TGM6: variants seen among roughly 807,000 people sequenced by gnomAD.
TGM6 encodes the protein transglutaminase 6.
In TGM6, 74 loss-of-function variants were observed where a neutral mutation model predicts 77.5. That is an observed-to-expected ratio of 0.96 (90% CI 0.79 to 1.16). The LOEUF (loss-of-function observed/expected upper bound fraction) is 1.16, where lower values mean the gene tolerates loss of function less well. Ranked by LOEUF, TGM6 falls within the 50% of genes most tolerant of loss-of-function variation. The probability of loss-of-function intolerance (pLI) is 0.00; values close to 1 mark genes in which losing one functional copy is unlikely to be tolerated. For synonymous variants in TGM6, 383 were observed against 378.9 expected, an observed-to-expected ratio of 1.01 and a Z score of -0.12; for missense variants, 968 against 940.2, an observed-to-expected ratio of 1.03 and a Z score of -0.39.
chr20:2,420,607 T>C (rs2084849410), intron 10 of TGM6, among the ~76,000 whole-genome samples: 1 of 152,184 alleles, frequency 6.6e-6, no homozygotes, highest in African/African-American at 2.4e-5. Context: ...ACCCCTCCAA[T>C]ATCCCCATGT....
At chr20:2,381,149 C>A (rs921760506) in intron 1 of TGM6, among the ~76,000 whole-genome samples, 174 bp downstream of exon 1, 1 of 152,172 alleles carries the variant, frequency 6.6e-6, no homozygotes, top group African/African-American at 2.4e-5. Flanking sequence ...GATGAAAAAG[C>A]CAGCTTTAAG....
At chr20:2,394,272 TGA>T (rs2084646682) in intron 1 of TGM6, among the ~76,000 whole-genome samples, 178 bp from the exon 2 acceptor site, 1 of 152,018 alleles carries the variant, frequency 6.6e-6, no homozygotes, top group Non-Finnish European at 1.5e-5. Flanking sequence ...CCAGCCTGGG[TGA>T]TAGAGTGAGA....
chr20:2,401,267 T>C (rs2084707450), intron 7 of TGM6, among the ~76,000 whole-genome samples: 1 of 152,128 alleles, frequency 6.6e-6, no homozygotes, highest in Non-Finnish European at 1.5e-5. Context: ...AACATTCATG[T>C]GGTTTAATAT....
rs777851216 is a variant in TGM6, at chr20:2,432,442, A to G, written c.1968-48A>G. 16 of 1,611,378 alleles carry G rather than the reference A, an allele frequency of 9.9e-6. No homozygotes were observed. The South Asian group carries it at 1.6e-4, about 17-fold the overall frequency. On this transcript the variant is annotated intron_variant, in intron 12 of 12. Coordinates refer to ENST00000202625, the MANE Select transcript of TGM6 (RefSeq NM_198994.3). Reference sequence around the variant, plus strand: ...CGTGGATTGGCAGGCCAGACTCAGAATGGCAAGAGGACTGACAGTCTGCCT... The same window carrying G: ...CGTGGATTGGCAGGCCAGACTCAGAGTGGCAAGAGGACTGACAGTCTGCCT...
rs1236115050 is a variant in TGM6, at chr20:2,399,582, G to C, written c.694G>C (p.Gly232Arg). The change falls in exon 6 of 13, where the codon GGT becomes CGT. Residue 232 changes from glycine (G) to arginine (R), a missense_variant. Gly to Arg is a moderately radical substitution (Grantham distance 125). Transcript: ENST00000202625. Reference sequence around the variant, plus strand: ...CCAGGTGAACAGCAACAACGACCGAGGTGTGGTGCAAGGACAGTGGCAGGG... The same window carrying C: ...CCAGGTGAACAGCAACAACGACCGACGTGTGGTGCAAGGACAGTGGCAGGG... ...SAMVNSNNDR[G>R]VVQGQWQGKY... 1 of 1,613,234 alleles carries C rather than the reference G, an allele frequency of 6.2e-7. No individual in the cohort carries two copies. Among genetic ancestry groups the C allele is most frequent in the Non-Finnish European group, 8.5e-7 (1 of 1,179,952 alleles).
chr20:2,428,273 A>G (rs935048356), intron 10 of TGM6, among the ~76,000 whole-genome samples: 1 of 152,170 alleles, frequency 6.6e-6, no homozygotes, highest in Non-Finnish European at 1.5e-5. Context: ...ATTGAGAACC[A>G]TTGTTCTAGG....
At chr20:2,423,599 C>T (rs1044339461) in intron 10 of TGM6, among the ~76,000 whole-genome samples, 2 of 152,128 alleles carry the variant, frequency 1.3e-5, no homozygotes, top group African/African-American at 4.8e-5. Flanking sequence ...ATCTTGAATG[C>T]CTCAAAGTCA....
intron 12 of TGM6, 78 bp from the exon 13 acceptor site, chr20:2,432,412 G>A (rs963253279): frequency 9.6e-6 from 15 of 1,569,760 alleles, no homozygotes; most frequent in African/African-American, 2.7e-5. Flanking sequence ...AGGAGCCTGG[G>A]GAGCCGTGGA....
At chr20:2,427,993 T>A (rs1454010550) in intron 10 of TGM6, among the ~76,000 whole-genome samples, 1 of 152,224 alleles carries the variant, frequency 6.6e-6, no homozygotes, top group Non-Finnish European at 1.5e-5. Context: ...TTGTCCCATG[T>A]GTTCTTCTAG....
At chr20:2,427,815 G>A (rs1168501577) in intron 10 of TGM6, among the ~76,000 whole-genome samples, 3 of 152,142 alleles carry the variant, frequency 2.0e-5, no homozygotes, top group African/African-American at 7.2e-5. Flanking sequence ...GAGTGCAGTG[G>A]CACAATCATG....
intron 4 of TGM6, among the ~76,000 whole-genome samples, chr20:2,397,178 G>C (rs2084674946): frequency 6.6e-6 from 1 of 152,224 alleles, no homozygotes; most frequent in Non-Finnish European, 1.5e-5. Context: ...GGCCATTGTG[G>C]AGGCTTACGT....
intron 9 of TGM6, among the ~76,000 whole-genome samples, chr20:2,409,064 T>A (rs1436028149): frequency 1.3e-5 from 2 of 152,170 alleles, no homozygotes; most frequent in Non-Finnish European, 2.9e-5. Flanking sequence ...TTATCCAGAA[T>A]TGACCATATG....
intron 9 of TGM6, among the ~76,000 whole-genome samples, chr20:2,414,899 A>G (rs2084804616): frequency 8.3e-6 from 1 of 120,024 alleles, no homozygotes; most frequent in Non-Finnish European, 1.7e-5. Context: ...TGGGGTGGGG[A>G]GGAATGGGAA....
rs150915903 is a variant in TGM6, at chr20:2,402,341, A to G, written c.990-1056A>G. ...AGAGAGCCTTGTATCCTTGTTCCCC[A>G]GGGGAGCGTGCCAGGAGCCCTTCCC... On this transcript the variant is annotated intron_variant, in intron 7 of 12. Transcript: ENST00000202625. Among the ~76,000 whole-genome samples, 500 of 152,270 alleles carry G rather than the reference A, an allele frequency of 3.3e-3. 2 individuals carry two copies. Among genetic ancestry groups the G allele is most frequent in the Non-Finnish European group, 5.1e-3 (348 of 68,004 alleles).
In TGM6 at chr20:2,403,513, G is replaced by C; in HGVS notation, c.1093+13G>C. The stretch of plus-strand genomic sequence containing the variant: ...GAGGAGAGTGAAGGTACGCTCAATT[G>C]GGTGGGGTAAGTTCCAGACCCCTGC... On this transcript the variant is annotated intron_variant, in intron 8 of 12. Coordinates refer to ENST00000202625, the MANE Select transcript of TGM6 (RefSeq NM_198994.3). 1 of 1,614,112 alleles carries C rather than the reference G, an allele frequency of 6.2e-7. No homozygotes were observed. The highest frequency in any genetic ancestry group is 8.5e-7 in the Non-Finnish European group (1 of 1,180,012).
intron 5 of TGM6, 56 bp from the exon 6 acceptor site, chr20:2,399,505 G>A (rs75082009): frequency 1.9e-5 from 30 of 1,611,158 alleles, no homozygotes; most frequent in East Asian, 1.8e-4. Context: ...ACCACGATGC[G>A]GTTCTTGAGG....
chr20:2,387,790 G>A (rs747236411), intron 1 of TGM6, among the ~76,000 whole-genome samples: 6 of 152,210 alleles, frequency 3.9e-5, no homozygotes, highest in Non-Finnish European at 5.9e-5. Flanking sequence ...GGCAGAGCTC[G>A]GCAGGGACAG....
chr20:2,416,381 T>C (rs2084816842), intron 9 of TGM6, among the ~76,000 whole-genome samples: 1 of 152,358 alleles, frequency 6.6e-6, no homozygotes, highest in African/African-American at 2.4e-5. Flanking sequence ...GATTTCTACA[T>C]GGGTGTCAAG....
chr20:2,423,911 G>A (rs1435060922), intron 10 of TGM6, among the ~76,000 whole-genome samples: 1 of 152,218 alleles, frequency 6.6e-6, no homozygotes. Context: ...CTCCATCAGA[G>A]TTCTTGAGTG....
Sources: gnomAD v4.1 joint callset for allele counts (sites outside exome capture counted in the v4.1 genomes callset) on GRCh38, gnomAD v4.1.1 for gene constraint, MANE v1.5 for transcripts, NCBI Gene and HGNC (gene_info 2026-07-23, HGNC 2026-07-21) for gene names.